Variants in EPB41L5 observed in about 807,000 individuals in gnomAD.
EPB41L5 encodes the protein band 4.1-like protein 5.
EPB41L5 carries 55 observed loss-of-function variants against 106.6 expected under a neutral mutation model. The observed-to-expected ratio is 0.52, with a 90% confidence interval of 0.42 to 0.65. EPB41L5 has a LOEUF of 0.65. Among genes scored for constraint, EPB41L5 ranks in the 30% least tolerant of loss-of-function variants. The pLI, the probability that EPB41L5 is intolerant of heterozygous loss-of-function variation, is 0.00. For synonymous variants in EPB41L5, 297 were observed against 306.7 expected (o/e 0.97, Z 0.33); for missense variants, 871 against 882.1 (o/e 0.99, Z 0.16).
chr2:120,036,882 GA>G (rs939451531), intron 2 of EPB41L5, among the ~76,000 whole-genome samples: 2 of 152,018 alleles, frequency 1.3e-5, no homozygotes, highest in African/African-American at 2.4e-5. Context: ...AGAAATAAAT[GA>G]AATTCAAAAG....
chr2:120,124,583 G>GT (rs1213452442), intron 16 of EPB41L5, among the ~76,000 whole-genome samples: 1 of 152,102 alleles, frequency 6.6e-6, no homozygotes, highest in African/African-American at 2.4e-5. Context: ...TCAAAGATAG[G>GT]TTTTTTTATG....
chr2:120,119,080 T>C (rs775162211), intron 16 of EPB41L5, among the ~76,000 whole-genome samples: 28 of 152,228 alleles, frequency 1.8e-4, no homozygotes, highest in Non-Finnish European at 3.4e-4. Context: ...ATTTCTCTAA[T>C]GATCAGTGAT....
At chr2:120,069,094 C>G (rs1574583628) in intron 3 of EPB41L5, among the ~76,000 whole-genome samples, 2 of 131,114 alleles carry the variant, frequency 1.5e-5, no homozygotes, top group East Asian at 4.6e-4. Flanking sequence ...TGCCATTGCA[C>G]TCCAGCCTGG....
rs903911207 is a variant in EPB41L5 at position 120,082,144 on chromosome 2, A to T, written c.803+3563A>T. The stretch of plus-strand genomic sequence containing the variant: ...TGCCCTGGCCAGAACTTCCAACACT[A>T]TGTTGAATAGGAGTGGTGAGAGAGG... On this transcript the variant is annotated intron_variant, in intron 10 of 24. Coordinates refer to ENST00000263713, the MANE Select transcript of EPB41L5 (RefSeq NM_020909.4). 7.2e-5 allele frequency among the ~76,000 whole-genome samples: 11 copies of T among 152,178 alleles called. No individual in the cohort carries two copies. The East Asian group carries it at 2.1e-3, about 29-fold the overall frequency.
At chr2:120,086,879 A>C (rs766192236) in intron 10 of EPB41L5, among the ~76,000 whole-genome samples, 1 of 152,218 alleles carries the variant, frequency 6.6e-6, no homozygotes. Context: ...CTAGACCTAA[A>C]GAATCTCTTA....
intron 20 of EPB41L5, among the ~76,000 whole-genome samples, chr2:120,160,395 A>G (rs1687089824): frequency 6.6e-6 from 1 of 152,236 alleles, no homozygotes; most frequent in South Asian, 2.1e-4. Context: ...ATGTGACAAT[A>G]CGTTAAGCAC....
At chr2:120,171,904 A>C (rs1162478996) in intron 24 of EPB41L5, among the ~76,000 whole-genome samples, 3 of 152,176 alleles carry the variant, frequency 2.0e-5, no homozygotes, top group African/African-American at 7.2e-5. Context: ...GACAAATAGA[A>C]GTAGGAAAAA....
intron 11 of EPB41L5, 91 bp downstream of exon 11, chr2:120,087,331 T>A: frequency 2.7e-6 from 2 of 752,470 alleles, no homozygotes; most frequent in East Asian, 5.2e-5. Flanking sequence ...TACCTCATTG[T>A]TTTAAAGAGC....
chr2:120,094,226 A>G (rs922536128), intron 14 of EPB41L5, among the ~76,000 whole-genome samples: 3 of 152,024 alleles, frequency 2.0e-5, no homozygotes, highest in South Asian at 2.1e-4. Flanking sequence ...GGCTCAAGCA[A>G]TCCTCCTGCC....
Position 120,073,232 on chromosome 2 carries a change from C to A in EPB41L5, c.328+12C>A. ...AAAGCAAGTAAAAAGTAAGTGCAGA[C>A]AAAATTATTTGTGGGGGGGAAAGGA... On this transcript the variant is annotated intron_variant, in intron 4 of 24. Coordinates refer to ENST00000263713, the MANE Select transcript of EPB41L5 (RefSeq NM_020909.4). 6.3e-7 allele frequency: 1 copy of A among 1,599,178 alleles called. No individual in the cohort carries two copies. The highest frequency in any genetic ancestry group is 1.1e-5 in the South Asian group (1 of 88,916).
At chr2:120,068,152 T>G (rs567830228) in intron 3 of EPB41L5, among the ~76,000 whole-genome samples, 87 of 152,306 alleles carry the variant, frequency 5.7e-4, no homozygotes, top group Non-Finnish European at 1.0e-3. Flanking sequence ...GAGTAAGGCA[T>G]CGCCTCATCC....
At chr2:120,159,658 C>T (rs1687061249) in intron 20 of EPB41L5, among the ~76,000 whole-genome samples, 1 of 152,048 alleles carries the variant, frequency 6.6e-6, no homozygotes, top group Non-Finnish European at 1.5e-5. Flanking sequence ...AACTGTACTC[C>T]AGGGCTACAG....
intron 16 of EPB41L5, among the ~76,000 whole-genome samples, chr2:120,118,624 A>C (rs1300212918): frequency 1.3e-5 from 2 of 152,054 alleles, no homozygotes. Context: ...CTGTTCCTAC[A>C]TTAGTTTAAT....
chr2:120,014,755 A>G (rs955165032), intron 1 of EPB41L5, among the ~76,000 whole-genome samples: 4 of 152,122 alleles, frequency 2.6e-5, no homozygotes, highest in African/African-American at 9.7e-5. Context: ...CCGAGCAGCA[A>G]GAGTACAAGA....
intron 21 of EPB41L5, among the ~76,000 whole-genome samples, chr2:120,164,303 C>T (rs1262399530): frequency 1.3e-5 from 2 of 152,148 alleles, no homozygotes; most frequent in African/African-American, 4.8e-5. Context: ...CAGCCTCTGT[C>T]TCCTGGGCTC....
intron 24 of EPB41L5, among the ~76,000 whole-genome samples, chr2:120,171,959 T>C (rs2105575072): frequency 6.6e-6 from 1 of 151,218 alleles, no homozygotes; most frequent in Non-Finnish European, 1.5e-5. Flanking sequence ...AATCATAGTA[T>C]CTGAATTTAG....
intron 5 of EPB41L5, among the ~76,000 whole-genome samples, chr2:120,074,992 C>A (rs1682129732): frequency 1.3e-5 from 2 of 152,130 alleles, no homozygotes; most frequent in Admixed American, 6.5e-5. Context: ...ACACCCCCAG[C>A]CAATTTGCGT....
At chr2:120,074,058 GT>G in intron 4 of EPB41L5, 41 bp from the exon 5 acceptor site, 1 of 1,420,236 alleles carries the variant, frequency 7.0e-7, no homozygotes, top group Non-Finnish European at 9.7e-7. Context: ...TATTATTTAA[GT>G]AGTTTATTTT....
At chr2:120,140,721 C>A (rs1029095117) in intron 18 of EPB41L5, among the ~76,000 whole-genome samples, 3 of 151,990 alleles carry the variant, frequency 2.0e-5, no homozygotes, top group Non-Finnish European at 4.4e-5. Flanking sequence ...TGAAAAAATA[C>A]AAAATCTGAA....
Sources: allele counts gnomAD v4.1 joint callset (sites outside exome capture counted in the v4.1 genomes callset), GRCh38; gene constraint gnomAD v4.1.1; transcripts MANE v1.5; gene names NCBI Gene and HGNC (gene_info 2026-07-23, HGNC 2026-07-21).